The following LPAR1 variants were observed in gnomAD, a reference collection of about 807,000 sequenced individuals.
LPAR1 encodes the protein LPA receptor 1.
A neutral mutation model predicts 23.8 loss-of-function variants in LPAR1; 5 were observed. The observed-to-expected ratio is 0.21, with a 90% CI of 0.11 to 0.44. The LOEUF (loss-of-function observed/expected upper bound fraction) is 0.44. Ranked by LOEUF, LPAR1 falls within the 20% of genes least tolerant of loss-of-function variation. The probability of loss-of-function intolerance (pLI) is 0.99; values close to 1 mark genes in which losing one functional copy is unlikely to be tolerated. For missense variants in LPAR1, 311 were observed against 482.8 expected (o/e 0.64, Z 3.33); for synonymous variants, 160 against 164.7 (o/e 0.97, Z 0.22).
intron 2 of LPAR1, among the ~76,000 whole-genome samples, chr9:110,977,903 GGAAGGAAA>G (rs1322036501): frequency 1.5e-4 from 15 of 99,700 alleles, no homozygotes; most frequent in Admixed American, 4.1e-4. Flanking sequence ...AAGGAAGGAA[GGAAGGAAA>G]GAAGGAAAGA....
At chr9:110,969,437 C>T (rs117690942) in intron 4 of LPAR1, among the ~76,000 whole-genome samples, 1,680 of 152,100 alleles carry the variant, frequency 0.011, 20 homozygotes, top group South Asian at 0.016. Flanking sequence ...AGTGGTCGGG[C>T]GCAGTGGCTC....
intron 2 of LPAR1, among the ~76,000 whole-genome samples, chr9:111,023,950 C>T (rs1021970819): frequency 5.3e-5 from 8 of 152,106 alleles, no homozygotes; most frequent in African/African-American, 1.9e-4. Flanking sequence ...CAATAAAACT[C>T]ATCACAATTT....
chr9:111,011,223 G>C (rs1203324483), intron 2 of LPAR1, among the ~76,000 whole-genome samples: 3 of 152,172 alleles, frequency 2.0e-5, no homozygotes, highest in Non-Finnish European at 4.4e-5. Context: ...AATTCGTGTA[G>C]AGTGTCTTAA....
chr9:110,995,821 AG>A (rs1449376234), intron 2 of LPAR1, among the ~76,000 whole-genome samples: 1 of 152,222 alleles, frequency 6.6e-6, no homozygotes, highest in Admixed American at 6.5e-5. Flanking sequence ...TCACCAAAAA[AG>A]GGGGGTCCCC....
chr9:110,895,587 AAC>A (rs1342602655), intron 5 of LPAR1, among the ~76,000 whole-genome samples: 15 of 152,164 alleles, frequency 9.9e-5, no homozygotes, highest in Non-Finnish European at 1.9e-4. Context: ...TTAGGGAGTG[AAC>A]ACACAGGCCT....
intron 5 of LPAR1, among the ~76,000 whole-genome samples, chr9:110,906,911 A>T (rs79512454): frequency 7.1e-6 from 1 of 141,118 alleles, no homozygotes; most frequent in Non-Finnish European, 1.6e-5. Context: ...TCTAAAAATT[A>T]TGATATAAAA....
chr9:110,990,435 T>A (rs887190882), intron 2 of LPAR1, among the ~76,000 whole-genome samples: 14 of 152,084 alleles, frequency 9.2e-5, no homozygotes, highest in Admixed American at 8.5e-4. Context: ...AACAGAATGA[T>A]CTCTGGAAAA....
intron 4 of LPAR1, chr9:110,945,320 A>C (rs1410462377): frequency 1.3e-5 from 2 of 152,196 alleles, no homozygotes; most frequent in African/African-American, 4.8e-5. Context: ...ATGACAGAAA[A>C]ATAATTATGG....
At chr9:111,027,711 AAAT>A (rs2097719067) in intron 2 of LPAR1, among the ~76,000 whole-genome samples, 1 of 151,900 alleles carries the variant, frequency 6.6e-6, no homozygotes, top group Middle Eastern at 3.2e-3. Flanking sequence ...TAAGACATGA[AAAT>A]AATGAGAGCA....
chr9:110,993,829 A>G (rs1588735567), intron 2 of LPAR1, among the ~76,000 whole-genome samples: 1 of 152,212 alleles, frequency 6.6e-6, no homozygotes, highest in Non-Finnish European at 1.5e-5. Context: ...CAGACAGTTA[A>G]GACAGCACTT....
At chr9:110,954,687 G>A (rs1241641308) in intron 4 of LPAR1, among the ~76,000 whole-genome samples, 1 of 152,080 alleles carries the variant, frequency 6.6e-6, no homozygotes, top group East Asian at 1.9e-4. Flanking sequence ...CATTCGAAGT[G>A]CTGAAGGAGG....
chr9:110,888,122 A>T (rs73655652), intron 5 of LPAR1, among the ~76,000 whole-genome samples: 9,545 of 152,254 alleles, frequency 0.063, 582 homozygotes, highest in African/African-American at 0.16. Flanking sequence ...GTTTAGAACA[A>T]CAAATCATAA....
At chr9:111,016,044 C>T (rs1275243424) in intron 2 of LPAR1, among the ~76,000 whole-genome samples, 1 of 152,104 alleles carries the variant, frequency 6.6e-6, no homozygotes, top group African/African-American at 2.4e-5. Flanking sequence ...CTAATCCACA[C>T]AGCTGTCTTT....
chr9:110,972,250 G>A lies in LPAR1; in HGVS notation c.-103-30C>T, dbSNP rs967110237. 7.8e-6 allele frequency: 6 copies of A among 773,458 alleles called. No individual in the cohort carries two copies. In the South Asian group the frequency reaches 7.8e-5, roughly 10 times the overall value. The allele number at this position is 773,458 out of a possible 1,614,324, so 47.9% of individuals were successfully genotyped here. A position where few individuals can be genotyped will look rare whatever the true frequency, so the allele number is the denominator to read the frequency against. On this transcript the variant is annotated intron_variant, in intron 3 of 5. Transcript: ENST00000683809. ...AAAACAACAGGAAAACCCACATTTAGCATAAAAGGACTAGCATATGGGTGT... is the reference window on the plus strand; with the variant it reads ...AAAACAACAGGAAAACCCACATTTAACATAAAAGGACTAGCATATGGGTGT...
At chr9:110,969,794 C>T (rs1394031496) in intron 4 of LPAR1, among the ~76,000 whole-genome samples, 4 of 151,974 alleles carry the variant, frequency 2.6e-5, no homozygotes, top group Admixed American at 2.6e-4. Context: ...AGTCTTTCTA[C>T]TATTGGATAT....
chr9:110,880,641 A>G (rs2080493652), intron 5 of LPAR1, among the ~76,000 whole-genome samples: 1 of 152,214 alleles, frequency 6.6e-6, no homozygotes. Flanking sequence ...GTCAAGGTAA[A>G]TCAATTCTAC....
chr9:110,896,446 C>CAT (rs1219551552), intron 5 of LPAR1, among the ~76,000 whole-genome samples: 2 of 152,172 alleles, frequency 1.3e-5, no homozygotes, highest in African/African-American at 4.8e-5. Flanking sequence ...TAAAAGGCAA[C>CAT]TCAGAATGTT....
chr9:110,890,143 TAGA>T (rs1470173983), intron 5 of LPAR1, among the ~76,000 whole-genome samples: 6 of 152,060 alleles, frequency 3.9e-5, no homozygotes, highest in African/African-American at 1.4e-4. Context: ...TTCACACAAC[TAGA>T]AGAAGTTACA....
intron 5 of LPAR1, among the ~76,000 whole-genome samples, chr9:110,932,205 C>T (rs2094457457): frequency 6.6e-6 from 1 of 152,124 alleles, no homozygotes; most frequent in African/African-American, 2.4e-5. Context: ...AGGTATATTT[C>T]ATGTAGTCAT....
Sources: allele counts gnomAD v4.1 joint callset (sites outside exome capture counted in the v4.1 genomes callset), GRCh38; gene constraint gnomAD v4.1.1; transcripts MANE v1.5; gene names NCBI Gene and HGNC (gene_info 2026-07-23, HGNC 2026-07-21).